The following UTS2B variants were observed in gnomAD, a reference collection of about 807,000 sequenced individuals.
UTS2B encodes urotensin 2B, also known as urotensin-2B.
A neutral mutation model predicts 19.2 loss-of-function variants in UTS2B; 21 were observed. The ratio of observed to expected loss-of-function variants is 1.09; its 90% CI spans 0.78 to 1.58. The LOEUF (loss-of-function observed/expected upper bound fraction) is 1.58. Among genes scored for constraint, UTS2B ranks in the 40% most tolerant of loss-of-function variants. The probability of loss-of-function intolerance (pLI) is 0.00; values close to 1 mark genes in which losing one functional copy is unlikely to be tolerated. For missense variants in UTS2B, 138 were observed against 130.3 expected (o/e 1.06, Z -0.29); for synonymous variants, 57 against 50.2 (o/e 1.14, Z -0.58).
chr3:191,271,167 G>T (rs1341899069), intron 8 of UTS2B, among the ~76,000 whole-genome samples: 1 of 124,090 alleles, frequency 8.1e-6, no homozygotes. Flanking sequence ...TCACACCACT[G>T]CACTCCAGCC....
chr3:191,271,200 C>CAAAAAAAAAAAA (rs66756396), intron 8 of UTS2B, among the ~76,000 whole-genome samples: 16 of 52,768 alleles, frequency 3.0e-4, no homozygotes, highest in African/African-American at 1.2e-3. Flanking sequence ...GAGACTCTCT[C>CAAAAAAAAAAAA]AAAAAAAAAA....
the UTS2B span, among the ~76,000 whole-genome samples, chr3:191,343,621 G>A: frequency 2.0e-5 from 3 of 152,186 alleles, no homozygotes; most frequent in Non-Finnish European, 4.4e-5. Flanking sequence ...TTGTTCTAAA[G>A]TAAAGCAACC....
chr3:191,276,474 T>TCTA (rs1409150585), intron 7 of UTS2B, among the ~76,000 whole-genome samples: 1 of 152,196 alleles, frequency 6.6e-6, no homozygotes, highest in Non-Finnish European at 1.5e-5. Flanking sequence ...ATAACATCCA[T>TCTA]CTATTTACAG....
chr3:191,346,098 G>A, the UTS2B span, among the ~76,000 whole-genome samples: 131 of 152,146 alleles, frequency 8.6e-4, no homozygotes, highest in Non-Finnish European at 7.4e-5. Flanking sequence ...GAAGATTGTC[G>A]ACAAATTTGG....
At chr3:191,328,315 C>T (rs965859070) in intron 2 of UTS2B, 1 of 152,148 alleles carries the variant, frequency 6.6e-6, no homozygotes, top group African/African-American at 2.4e-5. Flanking sequence ...TCCCAGAATC[C>T]AGGAGTTGCT....
At chr3:191,324,911 G>C (rs543382882) in intron 2 of UTS2B, among the ~76,000 whole-genome samples, 1 of 152,092 alleles carries the variant, frequency 6.6e-6, no homozygotes, top group African/African-American at 2.4e-5. Flanking sequence ...TTTGCTGGGC[G>C]TGGTGGTACA....
At chr3:191,337,619 A>G in the UTS2B span, among the ~76,000 whole-genome samples, 18 of 152,204 alleles carry the variant, frequency 1.2e-4, no homozygotes, top group South Asian at 3.3e-3. Context: ...CTGGGATTAC[A>G]AGCATTAGCC....
chr3:191,311,527 C>T (rs937156305), intron 3 of UTS2B, among the ~76,000 whole-genome samples: 6 of 152,178 alleles, frequency 3.9e-5, no homozygotes, highest in African/African-American at 1.4e-4. Context: ...ATTGACACTC[C>T]TGTATTTCTG....
In UTS2B at chr3:191,275,279, G is replaced by C; in HGVS notation, c.307C>G (p.Leu103Val). ...CGTTTGCTAGGATGAGAAGAGAATAGACCATCTACAGCATAGGACGTCTCA... is the reference window on the plus strand; with the variant it reads ...CGTTTGCTAGGATGAGAAGAGAATACACCATCTACAGCATAGGACGTCTCA... ...DSETSYAVDG[L>V]FSSHPSKRAC... The change falls in exon 8 of 9, where the codon CTA (leucine) becomes GTA (valine). Residue 103 changes from leucine to valine, a missense_variant. Transcript: ENST00000340524. 1.9e-6 allele frequency: 3 copies of C among 1,613,274 alleles called. No individual in the cohort carries two copies. The highest frequency in any genetic ancestry group is 3.3e-4 in the Middle Eastern group (2 of 6,060).
At chr3:191,331,556 CT>C (rs1326901311), upstream of UTS2B, among the ~76,000 whole-genome samples, 1 of 152,098 alleles carries the variant, frequency 6.6e-6, no homozygotes, top group Non-Finnish European at 1.5e-5. Flanking sequence ...CAGTGTGGCT[CT>C]TTCATTAAGT....
At chr3:191,324,641 C>T (rs1335255465) in intron 2 of UTS2B, among the ~76,000 whole-genome samples, 2 of 152,206 alleles carry the variant, frequency 1.3e-5, no homozygotes, top group South Asian at 2.1e-4. Context: ...TGAGGCCTCC[C>T]CAGCCATGTG....
At chr3:191,278,420 A>G (rs1017600821) in intron 5 of UTS2B, among the ~76,000 whole-genome samples, 1 of 152,014 alleles carries the variant, frequency 6.6e-6, no homozygotes, top group Non-Finnish European at 1.5e-5. Flanking sequence ...TTTACCTGTG[A>G]TTACTTCTGA....
chr3:191,311,766 C>T (rs1717308600), intron 3 of UTS2B, among the ~76,000 whole-genome samples: 1 of 152,210 alleles, frequency 6.6e-6, no homozygotes. Context: ...TGATATTTCT[C>T]AGCTGTGGCA....
intron 4 of UTS2B, among the ~76,000 whole-genome samples, chr3:191,289,176 G>A (rs149612526): frequency 0.018 from 2,750 of 152,156 alleles, 56 homozygotes; most frequent in East Asian, 0.12. Flanking sequence ...TTGGGAGACC[G>A]AGGTGGGTGG....
Position 191,282,141 on chromosome 3 carries a change from A to G in UTS2B, c.49T>C (p.Leu17=). Residue 17 remains leucine (L), a synonymous_variant, in exon 5 of 9, where the codon TTA becomes CTA. Coordinates refer to ENST00000340524, the MANE Select transcript of UTS2B (RefSeq NM_198152.5). ...STVCFGLLTL[L]SVLSFLQSVH... is the part of the protein sequence containing the mutation. ...GATTGTAAAAAACTCAACACGGATA[A>G]CAAAGTTAGGAGTCCAAAGCAAACA... 1 of 1,613,622 alleles carries G rather than the reference A, an allele frequency of 6.2e-7. No individual in the cohort carries two copies. The highest frequency in any genetic ancestry group is 8.5e-7 in the Non-Finnish European group (1 of 1,179,730).
At chr3:191,296,845 C>A (rs1191647614) in intron 4 of UTS2B, among the ~76,000 whole-genome samples, 1 of 152,132 alleles carries the variant, frequency 6.6e-6, no homozygotes, top group African/African-American at 2.4e-5. Flanking sequence ...CCAAGGCTGG[C>A]ATATTTAGCT....
chr3:191,277,248 A>C (rs898542060), intron 6 of UTS2B, among the ~76,000 whole-genome samples: 2 of 152,140 alleles, frequency 1.3e-5, no homozygotes, highest in Non-Finnish European at 2.9e-5. Flanking sequence ...CAAAATACTA[A>C]GGCTAACTTG....
At chr3:191,303,721 G>A (rs1017112860) in intron 4 of UTS2B, among the ~76,000 whole-genome samples, 1 of 152,186 alleles carries the variant, frequency 6.6e-6, no homozygotes, top group Admixed American at 6.5e-5. Context: ...CATTGGATGA[G>A]TTCTGATGTT....
At chr3:191,294,616 C>A (rs1183776428) in intron 4 of UTS2B, 4 of 151,824 alleles carry the variant, frequency 2.6e-5, no homozygotes, top group Non-Finnish European at 5.9e-5. Flanking sequence ...TATCAAGGAT[C>A]AGGGTCTCTT....
Sources: gnomAD v4.1 joint callset for allele counts (sites outside exome capture counted in the v4.1 genomes callset) on GRCh38, gnomAD v4.1.1 for gene constraint, MANE v1.5 for transcripts, NCBI Gene and HGNC (gene_info 2026-07-23, HGNC 2026-07-21) for gene names.